AKAP6: variants seen among roughly 807,000 people sequenced by gnomAD.
AKAP6 encodes A-kinase anchor protein 6.
Under a neutral mutation model 188.5 loss-of-function variants are expected in AKAP6, and 58 were observed. That is an observed-to-expected ratio of 0.31 (90% CI 0.25 to 0.38). The LOEUF (loss-of-function observed/expected upper bound fraction) is 0.38, where lower values mean the gene tolerates loss of function less well. AKAP6 is among the 10% of genes least tolerant of loss of function. The probability of loss-of-function intolerance (pLI) is 1.00; values close to 1 mark genes in which losing one functional copy is unlikely to be tolerated. For synonymous variants in AKAP6, 989 were observed against 998.6 expected (o/e 0.99, Z 0.18); for missense variants, 2,710 against 2,740.0 (o/e 0.99, Z 0.24).
At chr14:32,585,808 G>T (rs1885210222) in intron 5 of AKAP6, among the ~76,000 whole-genome samples, 1 of 152,124 alleles carries the variant, frequency 6.6e-6, no homozygotes, top group African/African-American at 2.4e-5. Context: ...AATTTTGTTA[G>T]GGAAGGGAGG....
At chr14:32,629,021 G>A (rs927243545) in intron 7 of AKAP6, among the ~76,000 whole-genome samples, 11 of 152,170 alleles carry the variant, frequency 7.2e-5, no homozygotes, top group Admixed American at 2.0e-4. Flanking sequence ...GGGATGTGCC[G>A]TTTGAGGAGG....
At position 32,776,700 on chromosome 14, in the gene AKAP6, AT is replaced by A. The variant is rs2033076709; in HGVS notation, c.3588+2813del. ...CTGTATCTATATTCTAAATTTTTAC[AT>A]TTTTTCACAAAGTAGCTGAGTGTTA... On this transcript the variant is annotated intron_variant, in intron 12 of 13. Coordinates refer to ENST00000280979, the MANE Select transcript of AKAP6 (RefSeq NM_004274.5). 2.0e-5 allele frequency among the ~76,000 whole-genome samples: 3 copies of A among 152,162 alleles called. No individual in the cohort carries two copies. The South Asian group carries it at 6.2e-4, about 32-fold the overall frequency.
chr14:32,354,295 CAAAA>C (rs796950806), intron 1 of AKAP6, among the ~76,000 whole-genome samples: 1 of 136,260 alleles, frequency 7.3e-6, no homozygotes, highest in Non-Finnish European at 1.6e-5. Context: ...AGCCCTGTCT[CAAAA>C]AAAAAAAAAA....
chr14:32,735,598 T>A, intron 10 of AKAP6, 60 bp from the exon 11 acceptor site: 1 of 1,317,600 alleles, frequency 7.6e-7, no homozygotes, highest in Non-Finnish European at 1.0e-6. Context: ...TTTTTTGTTG[T>A]TCGTGGGGTT....
At chr14:32,339,913 A>G (rs1886837219) in intron 1 of AKAP6, among the ~76,000 whole-genome samples, 1 of 152,080 alleles carries the variant, frequency 6.6e-6, no homozygotes. Flanking sequence ...TTTTGTACCA[A>G]AGGCATATTC....
intron 7 of AKAP6, among the ~76,000 whole-genome samples, chr14:32,674,565 T>C (rs569330911): frequency 1.3e-5 from 2 of 152,302 alleles, no homozygotes; most frequent in East Asian, 3.9e-4. Flanking sequence ...CTCTCAGGTT[T>C]CTGACATGAG....
At chr14:32,681,580 T>G (rs141980309) in intron 8 of AKAP6, among the ~76,000 whole-genome samples, 2,670 of 152,308 alleles carry the variant, frequency 0.018, 32 homozygotes, top group Non-Finnish European at 0.023. Context: ...AATGGAAGTC[T>G]TAAGTAGAGT....
intron 12 of AKAP6, among the ~76,000 whole-genome samples, chr14:32,789,089 C>T (rs1188551995): frequency 6.6e-6 from 1 of 152,124 alleles, no homozygotes; most frequent in Non-Finnish European, 1.5e-5. Context: ...CAATGCAGCA[C>T]GGCTGCCTTG....
intron 12 of AKAP6, among the ~76,000 whole-genome samples, chr14:32,795,146 C>T (rs2033728625): frequency 6.6e-6 from 1 of 152,092 alleles, no homozygotes; most frequent in Admixed American, 6.5e-5. Context: ...TAATAAATAG[C>T]CCACCAACCA....
chr14:32,475,674 A>G (rs1289681819), intron 2 of AKAP6, among the ~76,000 whole-genome samples: 1 of 131,696 alleles, frequency 7.6e-6, no homozygotes, highest in African/African-American at 2.9e-5. Context: ...AATCATTTTC[A>G]GCTCTTTTTT....
chr14:32,427,698 C>G (rs1163328411), intron 1 of AKAP6, among the ~76,000 whole-genome samples: 1 of 152,266 alleles, frequency 6.6e-6, no homozygotes, highest in African/African-American at 2.4e-5. Context: ...ATCATGAGAG[C>G]TAACCTTAGA....
chr14:32,498,069 A>G (rs1315807521), intron 2 of AKAP6, among the ~76,000 whole-genome samples: 1 of 152,230 alleles, frequency 6.6e-6, no homozygotes, highest in Non-Finnish European at 1.5e-5. Flanking sequence ...AGGTATAAGT[A>G]GAATTCACTG....
At position 32,666,704 on chromosome 14, in the gene AKAP6, A is replaced by G. The variant is rs539845027; in HGVS notation, c.2731-11607A>G. Among the ~76,000 whole-genome samples, 3 of 152,160 alleles carry G rather than the reference A, an allele frequency of 2.0e-5. No homozygotes were observed. The East Asian group carries it at 5.8e-4, about 29-fold the overall frequency. ...CCTTAATATAGAGTCTTATGCCACT[A>G]TGTCATATATAAGATTTTTTAATGA... On this transcript the variant is annotated intron_variant, in intron 7 of 13. Coordinates refer to ENST00000280979, the MANE Select transcript of AKAP6 (RefSeq NM_004274.5).
At chr14:32,517,312 G>C (rs981960282) in intron 2 of AKAP6, among the ~76,000 whole-genome samples, 2 of 152,188 alleles carry the variant, frequency 1.3e-5, no homozygotes, top group African/African-American at 4.8e-5. Context: ...TCATGCTGGA[G>C]GCTGTTCAAA....
At chr14:32,704,627 A>G (rs942668504) in intron 9 of AKAP6, among the ~76,000 whole-genome samples, 6 of 152,140 alleles carry the variant, frequency 3.9e-5, no homozygotes, top group African/African-American at 9.7e-5. Context: ...AAAAAATTAT[A>G]TGATGTATGA....
chr14:32,795,962 A>G (rs565668113), intron 12 of AKAP6, among the ~76,000 whole-genome samples: 1 of 152,342 alleles, frequency 6.6e-6, no homozygotes, highest in South Asian at 2.1e-4. Context: ...ATTTGCAAAA[A>G]TTGCTAGCAT....
intron 9 of AKAP6, among the ~76,000 whole-genome samples, chr14:32,723,254 T>A (rs913404708): frequency 2.6e-5 from 4 of 152,196 alleles, no homozygotes; most frequent in African/African-American, 9.7e-5. Flanking sequence ...CCTTGTTACC[T>A]CCATTCTTTA....
rs374427474 is a variant in AKAP6 at position 32,522,790 on chromosome 14, C to T, written c.325-12764C>T. 1.8e-4 allele frequency among the ~76,000 whole-genome samples: 27 copies of T among 152,230 alleles called. No individual in the cohort carries two copies. The East Asian group carries it at 4.3e-3, about 24-fold the overall frequency. ...TGTGGAAGACAGTGTGGCGATTCCT[C>T]GGGGATCTAGAACTAGAAATACCAT... On this transcript the variant is annotated intron_variant, in intron 2 of 13. Transcript: ENST00000280979.
At chr14:32,676,081 C>A (rs1160812677) in intron 7 of AKAP6, among the ~76,000 whole-genome samples, 1 of 152,102 alleles carries the variant, frequency 6.6e-6, no homozygotes, top group Non-Finnish European at 1.5e-5. Flanking sequence ...ATATCAAACA[C>A]GTCCCTTGGT....
Sources: gnomAD v4.1 joint callset for allele counts (sites outside exome capture counted in the v4.1 genomes callset) on GRCh38, gnomAD v4.1.1 for gene constraint, MANE v1.5 for transcripts, NCBI Gene and HGNC (gene_info 2026-07-23, HGNC 2026-07-21) for gene names.